The following TNNI3K variants were observed in gnomAD, a reference collection of about 807,000 sequenced individuals.
TNNI3K encodes the protein TNNI3 interacting kinase.
Under a neutral mutation model 114.5 loss-of-function variants are expected in TNNI3K, and 140 were observed. That is an observed-to-expected ratio of 1.22 (90% CI 1.07 to 1.41). The LOEUF (loss-of-function observed/expected upper bound fraction) is 1.41, where lower values mean the gene tolerates loss of function less well. TNNI3K is among the 40% of genes most tolerant of loss of function. TNNI3K has a pLI of 0.00. For synonymous variants in TNNI3K, 347 were observed against 347.5 expected (o/e 1.00, Z 0.02); for missense variants, 1,125 against 1,007.6 (o/e 1.12, Z -1.58).
At chr1:74,444,818 GA>G (rs202232808) in intron 20 of TNNI3K, among the ~76,000 whole-genome samples, 227 of 141,420 alleles carry the variant, frequency 1.6e-3, no homozygotes, top group Middle Eastern at 0.011. Flanking sequence ...ATGGTACTGG[GA>G]AAAAAAAAAA....
intron 5 of TNNI3K, among the ~76,000 whole-genome samples, chr1:74,289,652 A>G (rs565289912): frequency 1.3e-5 from 2 of 151,994 alleles, no homozygotes; most frequent in African/African-American, 2.4e-5. Context: ...CATTGATAGC[A>G]TGGAAATACT....
rs572244844 is a variant in TNNI3K at position 74,350,629 on chromosome 1, G to A, written c.933-2637G>A. 4.8e-3 allele frequency among the ~76,000 whole-genome samples: 724 copies of A among 152,144 alleles called. 5 individuals carry two copies. The highest frequency in any genetic ancestry group is 0.016 in the African/African-American group (673 of 41,496). The stretch of plus-strand genomic sequence containing the variant: ...TCTCTTTGTAGGTCACTAAGGACTT[G>A]CTTTATGAATCTGGGTGCTCCTGTA... On this transcript the variant is annotated intron_variant, in intron 9 of 24. Coordinates refer to ENST00000326637, the MANE Select transcript of TNNI3K (RefSeq NM_015978.3).
At chr1:74,514,204 A>G (rs1044404305) in intron 23 of TNNI3K, among the ~76,000 whole-genome samples, 2 of 152,210 alleles carry the variant, frequency 1.3e-5, no homozygotes, top group Non-Finnish European at 2.9e-5. Flanking sequence ...TATTTTCACA[A>G]TCAAGTATAA....
chr1:74,264,318 T>C (rs796963305), intron 4 of TNNI3K, among the ~76,000 whole-genome samples: 1 of 152,156 alleles, frequency 6.6e-6, no homozygotes, highest in African/African-American at 2.4e-5. Context: ...ATTTTCATAC[T>C]GATTAATGGA....
chr1:74,496,728 T>C (rs935212523), intron 23 of TNNI3K, among the ~76,000 whole-genome samples: 4 of 152,142 alleles, frequency 2.6e-5, no homozygotes, highest in South Asian at 2.1e-4. Flanking sequence ...AAATCTGAGA[T>C]TGAGAAAGGC....
At chr1:74,532,796 G>C (rs1000658401) in intron 23 of TNNI3K, among the ~76,000 whole-genome samples, 3 of 151,904 alleles carry the variant, frequency 2.0e-5, no homozygotes, top group Non-Finnish European at 2.9e-5. Context: ...ACAAACCTGA[G>C]AAAAACAAGC....
intron 17 of TNNI3K, among the ~76,000 whole-genome samples, chr1:74,385,759 C>T (rs1281341766): frequency 6.6e-6 from 1 of 152,216 alleles, no homozygotes; most frequent in Non-Finnish European, 1.5e-5. Context: ...GCCTTTGAGA[C>T]TGTGCACTTA....
intron 21 of TNNI3K, among the ~76,000 whole-genome samples, chr1:74,484,914 A>T (rs1206658877): frequency 2.0e-5 from 3 of 152,202 alleles, no homozygotes; most frequent in Admixed American, 6.5e-5. Flanking sequence ...TAAGTAGCAA[A>T]AATAGGAGGC....
At position 74,367,255 on chromosome 1, in the gene TNNI3K, G is replaced by A. The variant is rs907936579; in HGVS notation, c.1178-1G>A. On this transcript the variant is annotated splice_acceptor_variant, in intron 11 of 24. Coordinates refer to ENST00000326637, the MANE Select transcript of TNNI3K (RefSeq NM_015978.3). LOFTEE classifies it high-confidence loss of function. ...TTTGTTCTTTGTATCTTTTCATAAA[G>A]GGCATGATGCCATTGTCACACTCCT... The A allele has an allele frequency of 1.2e-5, 19 of 1,611,358 alleles. No homozygotes were observed. Among genetic ancestry groups the A allele is most frequent in the Non-Finnish European group, 1.6e-5 (19 of 1,178,402 alleles).
intron 2 of TNNI3K, 69 bp downstream of exon 2, chr1:74,236,279 C>T: frequency 7.2e-7 from 1 of 1,389,110 alleles, no homozygotes; most frequent in Non-Finnish European, 9.9e-7. Flanking sequence ...TTTAAAGTAT[C>T]TGTATATTTT....
chr1:74,296,333 T>A (rs1657983678), intron 5 of TNNI3K, among the ~76,000 whole-genome samples: 1 of 152,148 alleles, frequency 6.6e-6, no homozygotes, highest in South Asian at 2.1e-4. Flanking sequence ...AATTTGCTAC[T>A]TCCCAAACAG....
chr1:74,436,261 C>A, intron 18 of TNNI3K, 129 bp downstream of exon 18: 1 of 1,282,792 alleles, frequency 7.8e-7, no homozygotes, highest in Non-Finnish European at 1.1e-6. Flanking sequence ...TGACAGCTAT[C>A]CTACCATAAA....
intron 4 of TNNI3K, among the ~76,000 whole-genome samples, chr1:74,255,658 C>T (rs1466113912): frequency 6.6e-6 from 1 of 152,122 alleles, no homozygotes; most frequent in African/African-American, 2.4e-5. Flanking sequence ...ATACCAAATA[C>T]AATTATCAAT....
chr1:74,323,293 C>G (rs1659722527), intron 5 of TNNI3K, among the ~76,000 whole-genome samples: 1 of 152,176 alleles, frequency 6.6e-6, no homozygotes, highest in African/African-American at 2.4e-5. Context: ...TTTGTGCTCT[C>G]ATAAACCTGA....
At chr1:74,417,217 C>T (rs1665159342) in intron 17 of TNNI3K, among the ~76,000 whole-genome samples, 2 of 151,936 alleles carry the variant, frequency 1.3e-5, no homozygotes, top group South Asian at 4.1e-4. Context: ...GTTGTAGCAA[C>T]TATGAAAATG....
intron 5 of TNNI3K, among the ~76,000 whole-genome samples, chr1:74,314,841 A>G (rs925853198): frequency 2.6e-5 from 4 of 152,188 alleles, no homozygotes; most frequent in Non-Finnish European, 4.4e-5. Context: ...CTCTTAAACT[A>G]TAGTTTACAT....
chr1:74,530,177 A>T (rs947747562), intron 23 of TNNI3K, among the ~76,000 whole-genome samples: 2 of 152,172 alleles, frequency 1.3e-5, no homozygotes, highest in Non-Finnish European at 2.9e-5. Flanking sequence ...GTCTATATCC[A>T]TCACACTCAT....
At chr1:74,270,048 AT>A (rs1486723599) in intron 4 of TNNI3K, among the ~76,000 whole-genome samples, 1 of 151,888 alleles carries the variant, frequency 6.6e-6, no homozygotes, top group Admixed American at 6.6e-5. Context: ...ACCTTTAGAA[AT>A]TGAAGAAGTG....
chr1:74,296,767 A>T (rs1199946983), intron 5 of TNNI3K, among the ~76,000 whole-genome samples: 25 of 152,172 alleles, frequency 1.6e-4, no homozygotes, highest in Admixed American at 1.6e-3. Flanking sequence ...ACACAATTCC[A>T]TTATTTGTGT....
Sources: gnomAD v4.1 joint callset for allele counts (sites outside exome capture counted in the v4.1 genomes callset) on GRCh38, gnomAD v4.1.1 for gene constraint, MANE v1.5 for transcripts, NCBI Gene and HGNC (gene_info 2026-07-23, HGNC 2026-07-21) for gene names.